The following DOCK3 variants were observed in gnomAD, a reference collection of about 807,000 sequenced individuals.
The protein encoded by DOCK3 is dedicator of cytokinesis protein 3.
In DOCK3, 60 loss-of-function variants were observed where a neutral mutation model predicts 265.6. The ratio of observed to expected loss-of-function variants is 0.23; its 90% CI spans 0.18 to 0.28. The LOEUF is 0.28. Ranked by LOEUF, DOCK3 falls within the 10% of genes least tolerant of loss-of-function variation. The pLI, the probability that DOCK3 is intolerant of heterozygous loss-of-function variation, is 1.00. For synonymous variants in DOCK3, 881 were observed against 938.0 expected (o/e 0.94, Z 1.11); for missense variants, 1,981 against 2,594.3 (o/e 0.76, Z 5.14).
rs1204945251 is a variant in DOCK3, at chr3:50,968,606, G to A, written c.315+34529G>A. Among the ~76,000 whole-genome samples the A allele has an allele frequency of 2.7e-5, 4 of 150,270 alleles. No homozygotes were observed. The East Asian group carries it at 7.8e-4, about 29-fold the overall frequency. ...CTCTCTGTTGCCAGGCTGGAGTGCA[G>A]TGGCACTATCTTGGCTCACTGCAAC... is the stretch of plus-strand genomic sequence containing the variant. On this transcript the variant is annotated intron_variant, in intron 5 of 52. Transcript: ENST00000266037.
intron 1 of DOCK3, among the ~76,000 whole-genome samples, chr3:50,774,829 A>G (rs947538726): frequency 1.3e-5 from 2 of 152,010 alleles, no homozygotes; most frequent in African/African-American, 4.8e-5. Context: ...CACATCATAG[A>G]TGCCCTTTAT....
At chr3:50,899,938 A>G (rs1429246331) in intron 4 of DOCK3, among the ~76,000 whole-genome samples, 1 of 151,904 alleles carries the variant, frequency 6.6e-6, no homozygotes, top group Non-Finnish European at 1.5e-5. Context: ...GGTAAATCTG[A>G]TAATTATGTG....
At chr3:51,245,315 C>T (rs1394013637) in intron 21 of DOCK3, among the ~76,000 whole-genome samples, 7 of 151,326 alleles carry the variant, frequency 4.6e-5, no homozygotes, top group Admixed American at 6.6e-5. Context: ...CCAGTCTGAG[C>T]GATAGAGCAA....
chr3:50,680,869 A>G (rs1421626567), intron 1 of DOCK3, among the ~76,000 whole-genome samples: 2 of 152,006 alleles, frequency 1.3e-5, no homozygotes, highest in African/African-American at 4.8e-5. Context: ...TCTGTATATT[A>G]GTCCCTTATC....
chr3:51,212,771 A>G (rs1385783261), intron 13 of DOCK3, among the ~76,000 whole-genome samples: 1 of 152,128 alleles, frequency 6.6e-6, no homozygotes, highest in Non-Finnish European at 1.5e-5. Context: ...TTAAACACTG[A>G]TTATCTAACC....
chr3:51,054,041 T>G (rs2081104825), intron 5 of DOCK3, among the ~76,000 whole-genome samples: 1 of 151,458 alleles, frequency 6.6e-6, no homozygotes, highest in South Asian at 2.1e-4. Context: ...CTAGGTCCCT[T>G]TGTCTCTTAG....
rs1315690245 is a variant in DOCK3 at position 51,362,563 on chromosome 3, A to G, written c.5182A>G (p.Thr1728Ala). 1 of 1,613,848 alleles carries G rather than the reference A, an allele frequency of 6.2e-7. No homozygotes were observed. The highest frequency in any genetic ancestry group is 1.3e-5 in the African/African-American group (1 of 74,892). The part of the protein sequence containing the change: ...YPNPRYQGSV[T>A]NVSVLSSSQA... ...CAACCCCAGGTACCAAGGCTCAGTC[A>G]CCAACGTCTCTGTTCTGTCCTCGTC... is the stretch of plus-strand genomic sequence containing the variant. The change falls in exon 49 of 53, where the codon ACC becomes GCC. Residue 1728 changes from threonine (T) to alanine (A), a missense_variant. Coordinates refer to ENST00000266037, the MANE Select transcript of DOCK3 (RefSeq NM_004947.5).
chr3:50,804,471 C>G (rs944614848), intron 2 of DOCK3, among the ~76,000 whole-genome samples: 2 of 152,198 alleles, frequency 1.3e-5, no homozygotes, highest in Non-Finnish European at 2.9e-5. Flanking sequence ...GTGAGCAAGA[C>G]TCCGTCTGCA....
intron 52 of DOCK3, among the ~76,000 whole-genome samples, 175 bp from the exon 53 acceptor site, chr3:51,380,875 T>C (rs184852586): frequency 5.3e-5 from 8 of 152,166 alleles, no homozygotes; most frequent in Non-Finnish European, 8.8e-5. Context: ...GATTCTGGAG[T>C]TCCACTGGCT....
intron 5 of DOCK3, among the ~76,000 whole-genome samples, chr3:50,971,843 C>G (rs905481042): frequency 1.3e-5 from 2 of 152,146 alleles, no homozygotes; most frequent in African/African-American, 2.4e-5. Context: ...TCTCAGATAC[C>G]CCAGTGCCAG....
At chr3:50,887,059 T>G (rs1020708747) in intron 3 of DOCK3, among the ~76,000 whole-genome samples, 1 of 151,988 alleles carries the variant, frequency 6.6e-6, no homozygotes, top group Admixed American at 6.6e-5. Context: ...CTTCAAAAAA[T>G]TAATGAATCC....
At chr3:51,003,936 C>T (rs2078572460) in intron 5 of DOCK3, among the ~76,000 whole-genome samples, 1 of 152,106 alleles carries the variant, frequency 6.6e-6, no homozygotes, top group South Asian at 2.1e-4. Flanking sequence ...AGCCTACCTT[C>T]CTAAGAATCA....
At chr3:51,138,355 TAAATG>T (rs2084902807) in intron 9 of DOCK3, among the ~76,000 whole-genome samples, 1 of 152,172 alleles carries the variant, frequency 6.6e-6, no homozygotes, top group South Asian at 2.1e-4. Context: ...GTGTGATAGA[TAAATG>T]AAATAATTTG....
Position 51,153,631 on chromosome 3 carries a change from A to G in DOCK3, c.829-5613A>G, listed in dbSNP as rs185080873. ...AGACCGGAGCTGTTCCTATTCGGCTATCTTGGAACAGAATCCCCTTGTTTC... is the reference window on the plus strand; with the variant it reads ...AGACCGGAGCTGTTCCTATTCGGCTGTCTTGGAACAGAATCCCCTTGTTTC... On this transcript the variant is annotated intron_variant, in intron 10 of 52. Coordinates refer to ENST00000266037, the MANE Select transcript of DOCK3 (RefSeq NM_004947.5). 3.9e-3 allele frequency among the ~76,000 whole-genome samples: 596 copies of G among 152,286 alleles called. 2 individuals carry two copies. Among genetic ancestry groups the G allele is most frequent in the Non-Finnish European group, 6.9e-3 (471 of 68,010 alleles).
intron 2 of DOCK3, among the ~76,000 whole-genome samples, chr3:50,785,063 A>G (rs756072120): frequency 2.6e-5 from 4 of 152,222 alleles, no homozygotes; most frequent in Non-Finnish European, 4.4e-5. Context: ...AGGCTGAGCC[A>G]GGAGAATTGC....
chr3:51,315,994 ATATT>A (rs2083341378), intron 32 of DOCK3, among the ~76,000 whole-genome samples: 1 of 152,238 alleles, frequency 6.6e-6, no homozygotes, highest in South Asian at 2.1e-4. Flanking sequence ...TAATTTTTAA[ATATT>A]TATTTATTTT....
chr3:51,016,656 T>TC (rs1231394705), intron 5 of DOCK3, among the ~76,000 whole-genome samples: 1 of 79,396 alleles, frequency 1.3e-5, no homozygotes, highest in Non-Finnish European at 2.2e-5. Flanking sequence ...TATATGTTTA[T>TC]ATATATTATA....
chr3:50,982,440 G>A (rs2077727351), intron 5 of DOCK3, among the ~76,000 whole-genome samples: 1 of 152,154 alleles, frequency 6.6e-6, no homozygotes. Context: ...GCTGCAGTGG[G>A]GAGGTGCAAG....
Position 51,359,549 on chromosome 3 carries a change from T to G in DOCK3, c.4885-962T>G, listed in dbSNP as rs1216282541. Among the ~76,000 whole-genome samples the G allele has an allele frequency of 6.6e-6, 1 of 152,214 alleles. No homozygotes were observed. The highest frequency in any genetic ancestry group is 1.5e-5 in the Non-Finnish European group (1 of 68,038). On this transcript the variant is annotated intron_variant, in intron 46 of 52. Transcript: ENST00000266037. The surrounding 1 kb of genome is among the most constrained non-coding windows in gnomAD (Gnocchi z 4.8). ...TCTCATTCCAGGGTCTCCTGCCTGT[T>G]TGACTGGTCTCTGCTGTGTGCAAAC...
Sources: gnomAD v4.1 joint callset for allele counts (sites outside exome capture counted in the v4.1 genomes callset) on GRCh38, gnomAD v4.1.1 for gene constraint, Gnocchi (gnomAD v3.1) non-coding constraint, MANE v1.5 for transcripts, NCBI Gene and HGNC (gene_info 2026-07-23, HGNC 2026-07-21) for gene names.